The following NBEA variants were observed in gnomAD, a reference collection of about 807,000 sequenced individuals.
The protein encoded by NBEA is lysosomal-trafficking regulator 2.
NBEA carries 44 observed loss-of-function variants against 343.4 expected under a neutral mutation model. That is an observed-to-expected ratio of 0.13 (90% CI 0.10 to 0.16). The LOEUF (loss-of-function observed/expected upper bound fraction) is 0.16, where lower values mean the gene tolerates loss of function less well. Among genes scored for constraint, NBEA ranks in the 10% least tolerant of loss-of-function variants. NBEA has a pLI of 1.00. For synonymous variants in NBEA, 1,175 were observed against 1,238.7 expected (o/e 0.95, Z 1.08); for missense variants, 2,555 against 3,631.3 (o/e 0.70, Z 7.62).
At chr13:35,096,250 G>C (rs1000380294) in intron 10 of NBEA, among the ~76,000 whole-genome samples, 1 of 150,958 alleles carries the variant, frequency 6.6e-6, no homozygotes, top group Non-Finnish European at 1.5e-5. Context: ...TGGGTTTTAG[G>C]TATAAATTAA....
chr13:35,483,035 A>G (rs2076179163), intron 41 of NBEA, among the ~76,000 whole-genome samples: 2 of 151,932 alleles, frequency 1.3e-5, no homozygotes, highest in Admixed American at 6.6e-5. Context: ...CTAATTAAAG[A>G]CAAGTTTTAA....
chr13:35,280,999 T>C (rs1261011969), intron 34 of NBEA, among the ~76,000 whole-genome samples: 1 of 152,076 alleles, frequency 6.6e-6, no homozygotes, highest in Non-Finnish European at 1.5e-5. Context: ...ATTGTATCAT[T>C]ATTGGACTGT....
intron 49 of NBEA, among the ~76,000 whole-genome samples, chr13:35,630,325 A>G (rs1174743794): frequency 6.6e-6 from 1 of 152,210 alleles, no homozygotes; most frequent in Non-Finnish European, 1.5e-5. Flanking sequence ...AGAATTGTGT[A>G]TAAGGCTTTG....
intron 16 of NBEA, among the ~76,000 whole-genome samples, chr13:35,119,077 A>G (rs1057022112): frequency 2.6e-5 from 4 of 152,180 alleles, no homozygotes; most frequent in Admixed American, 1.3e-4. Context: ...AATAATAGAG[A>G]TGAAAGATGT....
chr13:35,385,845 C>T (rs1392348737), intron 38 of NBEA, among the ~76,000 whole-genome samples: 4 of 152,160 alleles, frequency 2.6e-5, no homozygotes, highest in African/African-American at 9.7e-5. Flanking sequence ...ATAAGGCTCA[C>T]CACAGTGCCA....
At chr13:35,169,035 C>G in intron 25 of NBEA, 40 bp downstream of exon 25, 3 of 1,435,984 alleles carry the variant, frequency 2.1e-6, no homozygotes, top group Non-Finnish European at 1.9e-6. Context: ...CTTTCAGTTT[C>G]AAGTTTTATT....
intron 1 of NBEA, among the ~76,000 whole-genome samples, chr13:35,016,203 T>G (rs932955347): frequency 6.6e-6 from 1 of 152,182 alleles, no homozygotes; most frequent in African/African-American, 2.4e-5. Flanking sequence ...TGTAATTATA[T>G]TCTATAATTT....
At chr13:35,584,444 G>A (rs139392264) in intron 46 of NBEA, among the ~76,000 whole-genome samples, 187 of 151,288 alleles carry the variant, frequency 1.2e-3, no homozygotes, top group African/African-American at 4.1e-3. Context: ...TCAGCCTCCC[G>A]AGTAACTAGA....
chr13:35,392,243 A>G (rs903131571), intron 38 of NBEA, among the ~76,000 whole-genome samples: 1 of 152,256 alleles, frequency 6.6e-6, no homozygotes, highest in East Asian at 1.9e-4. Flanking sequence ...ATTTATGTTT[A>G]CTTGCTAGTA....
chr13:35,103,549 A>C (rs1218321819), intron 11 of NBEA, among the ~76,000 whole-genome samples: 1 of 151,618 alleles, frequency 6.6e-6, no homozygotes, highest in Non-Finnish European at 1.5e-5. Flanking sequence ...ACTCTAATTG[A>C]GATTATCCAC....
In NBEA at chr13:35,426,293, TC is replaced by T. The variant is rs1430621377; in HGVS notation, c.6180-5974del. Among the ~76,000 whole-genome samples, 3 of 152,334 alleles carry T rather than the reference TC, an allele frequency of 2.0e-5. No individual in the cohort carries two copies. The South Asian group carries it at 6.2e-4, about 32-fold the overall frequency. ...TTTTGCAGTGGCTGCTGCCGGTTGT[TC>T]CTTTCCATGTTTAGTGCTTCCTTCA... On this transcript the variant is annotated intron_variant, in intron 38 of 58. Transcript: ENST00000379939.
intron 2 of NBEA, among the ~76,000 whole-genome samples, chr13:35,043,120 T>C (rs1164534684): frequency 6.6e-6 from 1 of 151,890 alleles, no homozygotes; most frequent in Non-Finnish European, 1.5e-5. Flanking sequence ...ATATACAATA[T>C]ATAAGTAATT....
At chr13:35,640,427 A>T (rs1015503737) in intron 49 of NBEA, among the ~76,000 whole-genome samples, 1 of 152,230 alleles carries the variant, frequency 6.6e-6, no homozygotes, top group African/African-American at 2.4e-5. Flanking sequence ...CTGGCTCTCC[A>T]GGTAGATTCT....
chr13:35,307,966 A>G (rs926978127), intron 35 of NBEA, among the ~76,000 whole-genome samples: 2 of 152,036 alleles, frequency 1.3e-5, no homozygotes, highest in African/African-American at 4.8e-5. Flanking sequence ...TTAGTTAAAG[A>G]TTATGATAGC....
chr13:35,114,564 A>G (rs1190449676), intron 13 of NBEA, among the ~76,000 whole-genome samples: 2 of 151,876 alleles, frequency 1.3e-5, no homozygotes, highest in African/African-American at 4.8e-5. Flanking sequence ...CTTGGCCCTG[A>G]CCCTGAAAGT....
At chr13:35,168,510 T>A (rs1281389161) in intron 24 of NBEA, among the ~76,000 whole-genome samples, 1 of 151,570 alleles carries the variant, frequency 6.6e-6, no homozygotes, top group Non-Finnish European at 1.5e-5. Context: ...AAGCTTTCTG[T>A]ATATTTGAGA....
intron 38 of NBEA, among the ~76,000 whole-genome samples, chr13:35,363,006 C>G (rs1374031545): frequency 1.3e-5 from 2 of 151,898 alleles, no homozygotes; most frequent in Non-Finnish European, 2.9e-5. Context: ...AGTCTATTCA[C>G]TTTCACTTCC....
intron 8 of NBEA, among the ~76,000 whole-genome samples, chr13:35,066,691 T>C (rs1345150895): frequency 6.6e-6 from 1 of 152,070 alleles, no homozygotes; most frequent in African/African-American, 2.4e-5. Context: ...CTATAAACAG[T>C]ATGTTATTGA....
At chr13:35,200,407 G>C (rs2072937491) in intron 31 of NBEA, among the ~76,000 whole-genome samples, 1 of 142,066 alleles carries the variant, frequency 7.0e-6, no homozygotes, top group Middle Eastern at 4.0e-3. Context: ...TTTTGGTTTA[G>C]TTTTAACTTC....
Sources: gnomAD v4.1 joint callset for allele counts (sites outside exome capture counted in the v4.1 genomes callset) on GRCh38, gnomAD v4.1.1 for gene constraint, MANE v1.5 for transcripts, NCBI Gene and HGNC (gene_info 2026-07-23, HGNC 2026-07-21) for gene names.